ZNF30: variants seen among roughly 807,000 people sequenced by gnomAD.
ZNF30 encodes the protein zinc finger protein 30 (KOX 28).
ZNF30 carries 15 observed loss-of-function variants against 13.2 expected under a neutral mutation model. The observed-to-expected ratio is 1.13, with a 90% CI of 0.76 to 1.75. The LOEUF is 1.75. Ranked by LOEUF, ZNF30 falls within the 40% of genes most tolerant of loss-of-function variation. The probability of loss-of-function intolerance (pLI) is 0.00; values close to 1 mark genes in which losing one functional copy is unlikely to be tolerated. For missense variants in ZNF30, 726 were observed against 757.0 expected (o/e 0.96, Z 0.48); for synonymous variants, 223 against 256.6 (o/e 0.87, Z 1.25).
chr19:34,924,290 A>C (rs914245729), upstream of ZNF30, among the ~76,000 whole-genome samples: 33 of 152,098 alleles, frequency 2.2e-4, no homozygotes, highest in Non-Finnish European at 4.0e-4. Flanking sequence ...CAAAAAAAAA[A>C]CCCTATGATT....
rs2012120356 is a variant in ZNF30 at position 34,927,204 on chromosome 19, G to A, written c.-77G>A. 5.2e-6 allele frequency: 2 copies of A among 384,698 alleles called. No individual in the cohort carries two copies. The highest frequency in any genetic ancestry group is 4.5e-5 in the Admixed American group (1 of 22,318). 23.8% of individuals were successfully genotyped at this position (384,698 alleles called of 1,614,324 possible). On this transcript the variant is annotated 5_prime_UTR_variant, in exon 1 of 5. Transcript: ENST00000601142. Reference sequence around the variant, plus strand: ...CAGACCTGTGTCGGCGCGGAACCCGGACTGAGACATGCGTGAGCGTTGGGT... The same window carrying A: ...CAGACCTGTGTCGGCGCGGAACCCGAACTGAGACATGCGTGAGCGTTGGGT...
Position 34,933,713 on chromosome 19 carries a change from A to G in ZNF30, c.246A>G (p.Arg82=). The G allele has an allele frequency of 6.3e-7, 1 of 1,583,502 alleles. No homozygotes were observed. The highest frequency in any genetic ancestry group is 8.6e-7 in the Non-Finnish European group (1 of 1,163,820). ...TGACAGTGAGGAAAGATGGAAGAAGATGGTGCACAGGTGAGTAAGAGCATG... is the reference window on the plus strand; with the variant it reads ...TGACAGTGAGGAAAGATGGAAGAAGGTGGTGCACAGGTGAGTAAGAGCATG... ...PEVTVRKDGR[R]WCTDLQLEDD... The change falls in exon 4 of 5, where the codon AGA becomes AGG. Residue 82 remains arginine, a synonymous_variant. Coordinates refer to ENST00000601142, the MANE Select transcript of ZNF30 (RefSeq NM_194325.3).
In ZNF30 at chr19:34,943,906, A is replaced by G; in HGVS notation, c.940A>G (p.Lys314Glu). 1 of 1,614,184 alleles carries G rather than the reference A, an allele frequency of 6.2e-7. No homozygotes were observed. Among genetic ancestry groups the G allele is most frequent in the Non-Finnish European group, 8.5e-7 (1 of 1,180,030 alleles). ...AKHQRIHTGE[K>E]PYECKECGKS... Reference sequence around the variant, plus strand: ...GCATCAGAGAATTCATACTGGCGAGAAACCCTATGAATGTAAGGAGTGTGG... The same window carrying G: ...GCATCAGAGAATTCATACTGGCGAGGAACCCTATGAATGTAAGGAGTGTGG... Residue 314 changes from lysine (K) to glutamate (E), a missense_variant, in exon 5 of 5, where the codon AAA (lysine) becomes GAA (glutamate). Lys to Glu is a moderately conservative substitution (Grantham distance 56). Coordinates refer to ENST00000601142, the MANE Select transcript of ZNF30 (RefSeq NM_194325.3).
At chr19:34,940,922 A>G (rs116308842) in intron 4 of ZNF30, among the ~76,000 whole-genome samples, 1,835 of 152,262 alleles carry the variant, frequency 0.012, 48 homozygotes, top group African/African-American at 0.042. Flanking sequence ...AATTATCCCA[A>G]TTATCTAATT....
intron 4 of ZNF30, among the ~76,000 whole-genome samples, chr19:34,935,700 G>GTTTTTTTTTTTTTTTTTTTTTTTTTT: frequency 1.2e-5 from 1 of 84,222 alleles, no homozygotes; most frequent in Non-Finnish European, 2.2e-5. Flanking sequence ...GTTGTCTATA[G>GTTTTTTTTTTTTTTTTTTTTTTTTTT]TTTTTTTTTT....
intron 4 of ZNF30, among the ~76,000 whole-genome samples, chr19:34,939,715 G>A (rs111920156): frequency 0.036 from 5,445 of 152,296 alleles, 243 homozygotes; most frequent in African/African-American, 0.11. Context: ...GTAAGGATAC[G>A]GAAGGATGCC....
In ZNF30 at chr19:34,944,091, G is replaced by A; in HGVS notation, c.1125G>A (p.Lys375=). 6.2e-7 allele frequency: 1 copy of A among 1,613,540 alleles called. No individual in the cohort carries two copies. Among genetic ancestry groups the A allele is most frequent in the South Asian group, 1.1e-5 (1 of 91,046 alleles). ...CAGAGATAAAGCCCTACGGATGCAA[G>A]GAATGCGGGAGAACCTTCAGTCGTG... ...IHAEIKPYGC[K]ECGRTFSRAS... Residue 375 remains lysine (K), a synonymous_variant, in exon 5 of 5, where the codon AAG becomes AAA. Transcript: ENST00000601142.
intron 4 of ZNF30, among the ~76,000 whole-genome samples, chr19:34,937,557 C>A (rs1230113395): frequency 1.3e-5 from 2 of 151,752 alleles, no homozygotes; most frequent in Non-Finnish European, 2.9e-5. Flanking sequence ...CATAGCAGGA[C>A]CCCCCATCTC....
rs566574484 is a variant in ZNF30 at position 34,944,840 on chromosome 19, A to G, written c.*2A>G. 3.9e-5 allele frequency: 61 copies of G among 1,565,200 alleles called. No individual in the cohort carries two copies. The highest frequency in any genetic ancestry group is 5.2e-5 in the Non-Finnish European group (60 of 1,152,098). On this transcript the variant is annotated 3_prime_UTR_variant, in exon 5 of 5. Coordinates refer to ENST00000601142, the MANE Select transcript of ZNF30 (RefSeq NM_194325.3). ...AAACATATGAGTGTTATACCCTAAG[A>G]GTCTGAGGAGTGTGGGAAGTGCTTC...
chr19:34,934,454 A>G (rs1237801040), intron 4 of ZNF30, among the ~76,000 whole-genome samples: 2 of 152,018 alleles, frequency 1.3e-5, no homozygotes, highest in African/African-American at 4.8e-5. Context: ...CAGTAGAGAC[A>G]GTGTCTCACT....
rs765056645 is a variant in ZNF30, at chr19:34,929,934, AC to A, written c.-13del. On this transcript the variant is annotated 5_prime_UTR_variant, in exon 2 of 5. Coordinates refer to ENST00000601142, the MANE Select transcript of ZNF30 (RefSeq NM_194325.3). ...CCCCAGTGAAGACTGATCAGTTCTTACAATTCTCAAAGCATGGCCCATGTAA... is the reference window on the plus strand; with the variant it reads ...CCCCAGTGAAGACTGATCAGTTCTTAAATTCTCAAAGCATGGCCCATGTAA... 3 of 1,607,064 alleles carry A rather than the reference AC, an allele frequency of 1.9e-6. No individual in the cohort carries two copies. The highest frequency in any genetic ancestry group is 1.7e-6 in the Non-Finnish European group (2 of 1,176,348).
intron 1 of ZNF30, among the ~76,000 whole-genome samples, chr19:34,928,699 G>A (rs2012265921): frequency 1.3e-5 from 2 of 151,802 alleles, no homozygotes; most frequent in Non-Finnish European, 2.9e-5. Flanking sequence ...CAGGCGTGGT[G>A]GTGGGCACCT....
In ZNF30 at chr19:34,943,248, C is replaced by T. The variant is rs767847471; in HGVS notation, c.282C>T (p.Ile94=). 36 of 1,584,332 alleles carry T rather than the reference C, an allele frequency of 2.3e-5. No homozygotes were observed. The highest frequency in any genetic ancestry group is 1.7e-4 in the Middle Eastern group (1 of 5,970). The change falls in exon 5 of 5, where the codon ATC becomes ATT. Residue 94 remains isoleucine, a synonymous_variant. Transcript: ENST00000601142. Reference sequence around the variant, plus strand: ...ATTTGCAGTTGGAAGATGATACAATCGGCTGTAAAGAAATGCCCACCTCTG... The same window carrying T: ...ATTTGCAGTTGGAAGATGATACAATTGGCTGTAAAGAAATGCCCACCTCTG... The part of the protein sequence containing the change: ...CTDLQLEDDT[I]GCKEMPTSEN...
At chr19:34,940,413 A>G (rs2012981153) in intron 4 of ZNF30, among the ~76,000 whole-genome samples, 1 of 152,132 alleles carries the variant, frequency 6.6e-6, no homozygotes, top group Non-Finnish European at 1.5e-5. Context: ...CACACCTGTA[A>G]TCCCAGCACC....
chr19:34,940,166 T>TAAGACAGCATAC (rs2012961674), intron 4 of ZNF30, among the ~76,000 whole-genome samples: 2 of 152,168 alleles, frequency 1.3e-5, no homozygotes, highest in Admixed American at 1.3e-4. Flanking sequence ...TAAGACAGGT[T>TAAGACAGCATAC]CGGGGAGGTA....
chr19:34,928,708 C>T (rs1426588774), intron 1 of ZNF30, among the ~76,000 whole-genome samples: 1 of 151,904 alleles, frequency 6.6e-6, no homozygotes, highest in Admixed American at 6.6e-5. Flanking sequence ...TGGTGGGCAC[C>T]TGTAATCCCA....
At position 34,944,665 on chromosome 19, in the gene ZNF30, C is replaced by G. The variant is rs767343870; in HGVS notation, c.1699C>G (p.Pro567Ala). 14 of 1,612,566 alleles carry G rather than the reference C, an allele frequency of 8.7e-6. No individual in the cohort carries two copies. Among genetic ancestry groups the G allele is most frequent in the Non-Finnish European group, 1.2e-5 (14 of 1,178,812 alleles). Residue 567 changes from proline (P) to alanine (A), a missense_variant, in exon 5 of 5, where the codon CCT becomes GCT. Coordinates refer to ENST00000601142, the MANE Select transcript of ZNF30 (RefSeq NM_194325.3). ...TCAGAGTGTTCACACTGGTGAGAAA[C>G]CTTTTGAATGTAAGGAATGCGGGAA... ...GHQSVHTGEK[P>A]FECKECGKAF...
intron 3 of ZNF30, among the ~76,000 whole-genome samples, chr19:34,932,673 T>A (rs559234506): frequency 3.9e-5 from 6 of 152,114 alleles, no homozygotes; most frequent in Non-Finnish European, 8.8e-5. Context: ...CACAGTGTGT[T>A]TAAGTGAGTT....
chr19:34,928,477 C>T (rs2012247178), intron 1 of ZNF30, among the ~76,000 whole-genome samples: 1 of 151,908 alleles, frequency 6.6e-6, no homozygotes, highest in South Asian at 2.1e-4. Context: ...GCCATGTTCA[C>T]ATAACTTTTA....
Sources: allele counts gnomAD v4.1 joint callset (sites outside exome capture counted in the v4.1 genomes callset), GRCh38; gene constraint gnomAD v4.1.1; transcripts MANE v1.5; gene names NCBI Gene and HGNC (gene_info 2026-07-23, HGNC 2026-07-21).